TIMELESS: variants seen among roughly 807,000 people sequenced by gnomAD.
The protein encoded by TIMELESS is protein timeless homolog.
In TIMELESS, 124 loss-of-function variants were observed where a neutral mutation model predicts 164.3. The observed-to-expected ratio is 0.75, with a 90% confidence interval of 0.65 to 0.88. The LOEUF (loss-of-function observed/expected upper bound fraction) is 0.88, where lower values mean the gene tolerates loss of function less well. Among genes scored for constraint, TIMELESS ranks in the 40% least tolerant of loss-of-function variants. TIMELESS has a pLI of 0.00. For synonymous variants in TIMELESS, 564 were observed against 563.4 expected, an observed-to-expected ratio of 1.00 and a Z score of -0.02; for missense variants, 1,422 against 1,491.4, an observed-to-expected ratio of 0.95 and a Z score of 0.77.
chr12:56,432,953 CAAA>C (rs67816652), intron 6 of TIMELESS, 70 bp downstream of exon 6: 3,381 of 534,604 alleles, frequency 6.3e-3, no homozygotes, highest in Middle Eastern at 0.01. Flanking sequence ...GACTCCGTCT[CAAA>C]AAAAAAAAAA....
In TIMELESS at chr12:56,433,644, A is replaced by C; in HGVS notation, c.260T>G (p.Val87Gly). 1 of 1,614,144 alleles carries C rather than the reference A, an allele frequency of 6.2e-7. No individual in the cohort carries two copies. The highest frequency in any genetic ancestry group is 8.5e-7 in the Non-Finnish European group (1 of 1,180,048). Residue 87 changes from valine to glycine, a missense_variant, in exon 4 of 29, where the codon GTG (valine) becomes GGG (glycine). Transcript: ENST00000553532. ...GAGCAAGGCTGGTTGTGTCAAGTTC[A>C]CCATCAGTCTGGGAGACAATGAAGG... ...PLFDAVIRLM[V>G]NLTQPALLCF... is the part of the protein sequence containing the mutation.
intron 13 of TIMELESS, among the ~76,000 whole-genome samples, chr12:56,425,696 G>A (rs925389072): frequency 5.3e-5 from 8 of 152,006 alleles, no homozygotes; most frequent in Admixed American, 2.6e-4. Flanking sequence ...GCAACACAGC[G>A]AGACCCTGTG....
chr12:56,439,680 G>T (rs1170453474), intron 1 of TIMELESS, among the ~76,000 whole-genome samples: 1 of 152,050 alleles, frequency 6.6e-6, no homozygotes, highest in Admixed American at 6.6e-5. Context: ...TTACAGGTGT[G>T]AACCACCACA....
chr12:56,444,849 C>T (rs777479888), intron 1 of TIMELESS, among the ~76,000 whole-genome samples: 12 of 151,834 alleles, frequency 7.9e-5, no homozygotes, highest in African/African-American at 1.5e-4. Context: ...TCTCACTGTA[C>T]GCGGCCTGAT....
rs1407534076 is a variant in TIMELESS at position 56,423,782 on chromosome 12, A to G, written c.1966+15T>C. On this transcript the variant is annotated intron_variant, in intron 16 of 28. Coordinates refer to ENST00000553532, the MANE Select transcript of TIMELESS (RefSeq NM_003920.5). ...AAGAGCTGGAAGGAGACAGATGTGA[A>G]GGGTGGAGACTCACGGGGAAGTGGA... The G allele has an allele frequency of 5.0e-6, 8 of 1,614,060 alleles. No homozygotes were observed. Among genetic ancestry groups the G allele is most frequent in the Non-Finnish European group, 6.8e-6 (8 of 1,180,036 alleles).
Position 56,416,719 on chromosome 12 carries a change from G to GTCTTTTTTTTTTT in TIMELESS, c.*984_*996dup, listed in dbSNP as rs1483474132. 6.6e-6 allele frequency: 1 copy of GTCTTTTTTTTTTT among 151,584 alleles called. No individual in the cohort carries two copies. The highest frequency in any genetic ancestry group is 2.4e-5 in the African/African-American group (1 of 41,128). 9.4% of individuals were successfully genotyped at this position (151,584 alleles called of 1,614,324 possible). On this transcript the variant is annotated 3_prime_UTR_variant, in exon 29 of 29. Transcript: ENST00000553532. Reference sequence around the variant, plus strand: ...AGCGGAAGAAAAGGGAAGGTTGTTGGTCTTTTTTTTTTTTCTTTTTTTTTG... The same window carrying GTCTTTTTTTTTTT: ...AGCGGAAGAAAAGGGAAGGTTGTTGGTCTTTTTTTTTTTTCTTTTTTTTTTTTCTTTTTTTTTG...
chr12:56,433,277 C>T (rs1881955575), intron 5 of TIMELESS, 104 bp downstream of exon 5: 1 of 1,431,706 alleles, frequency 7.0e-7, no homozygotes, highest in African/African-American at 1.4e-5. Context: ...GATCGGACTA[C>T]CACATCCCCA....
chr12:56,431,277 C>T (rs867578635), intron 8 of TIMELESS, among the ~76,000 whole-genome samples, 194 bp downstream of exon 8: 7 of 151,674 alleles, frequency 4.6e-5, no homozygotes, highest in Middle Eastern at 3.4e-3. Flanking sequence ...TCGCTTGAAC[C>T]CAGGAGACAG....
At position 56,423,436 on chromosome 12, in the gene TIMELESS, T is replaced by G. The variant is rs1271192708; in HGVS notation, c.2130A>C (p.Leu710=). The G allele has an allele frequency of 5.0e-6, 8 of 1,613,960 alleles. No individual in the cohort carries two copies. The Admixed American group carries it at 1.3e-4, about 27-fold the overall frequency. Residue 710 remains leucine (L), a synonymous_variant, in exon 18 of 29, where the codon CTA becomes CTC. Coordinates refer to ENST00000553532, the MANE Select transcript of TIMELESS (RefSeq NM_003920.5). The part of the protein sequence containing the change: ...CSTVVRAYVL[L]LRSYQQNSAH... The stretch of plus-strand genomic sequence containing the variant: ...CACTATTCTGCTGGTAGCTCCTTAG[T>G]AGCAGCACATAGGCTCGAACGACAG...
intron 6 of TIMELESS, 53 bp downstream of exon 6, chr12:56,432,973 A>AAAAG: frequency 6.5e-6 from 8 of 1,227,938 alleles, no homozygotes; most frequent in Admixed American, 2.4e-5. Flanking sequence ...AAAAAAAAAA[A>AAAAG]AGGCAGCTCA....
At position 56,421,726 on chromosome 12, in the gene TIMELESS, C is replaced by A. The variant is rs1195635055; in HGVS notation, c.2725+1G>T. 2.5e-6 allele frequency: 4 copies of A among 1,613,970 alleles called. No homozygotes were observed. Among genetic ancestry groups the A allele is most frequent in the African/African-American group, 1.3e-5 (1 of 74,918 alleles). On this transcript the variant is annotated splice_donor_variant, in intron 22 of 28. Coordinates refer to ENST00000553532, the MANE Select transcript of TIMELESS (RefSeq NM_003920.5). LOFTEE classifies it high-confidence loss of function. ...GTCCCCTGAGTTTCCAGCTTACTCACCATCTGAGTCCCGGAATTCCTCAAA... is the reference window on the plus strand; with the variant it reads ...GTCCCCTGAGTTTCCAGCTTACTCAACATCTGAGTCCCGGAATTCCTCAAA...
intron 1 of TIMELESS, among the ~76,000 whole-genome samples, chr12:56,444,357 A>C (rs1868320069): frequency 6.6e-6 from 1 of 152,078 alleles, no homozygotes; most frequent in Non-Finnish European, 1.5e-5. Context: ...ATCAGACATG[A>C]ACTCTCTCAA....
chr12:56,418,092 G>T (rs1565677430), intron 27 of TIMELESS, 42 bp downstream of exon 27: 4 of 1,612,484 alleles, frequency 2.5e-6, no homozygotes, highest in Middle Eastern at 3.3e-4. Context: ...GACCAACATG[G>T]CTGACACGTT....
intron 1 of TIMELESS, among the ~76,000 whole-genome samples, chr12:56,443,582 CT>C (rs1189944933): frequency 1.3e-5 from 2 of 152,134 alleles, no homozygotes; most frequent in Non-Finnish European, 1.5e-5. Context: ...TTTTATTGCC[CT>C]TTGAAGCATG....
chr12:56,422,948 T>C lies in TIMELESS; in HGVS notation c.2337A>G (p.Ala779=). 1 of 1,613,968 alleles carries C rather than the reference T, an allele frequency of 6.2e-7. No individual in the cohort carries two copies. The highest frequency in any genetic ancestry group is 8.5e-7 in the Non-Finnish European group (1 of 1,180,008). ...AGGCTTTTTGGTTGACTGCAGCCAGTGCAAAAAATTTGCCCAGGATGTATT... is the reference window on the plus strand; with the variant it reads ...AGGCTTTTTGGTTGACTGCAGCCAGCGCAAAAAATTTGCCCAGGATGTATT... The part of the protein sequence containing the change: ...FAKYILGKFF[A]LAAVNQKAFV... Residue 779 remains alanine (A), a synonymous_variant, in exon 19 of 29, where the codon GCA becomes GCG. Transcript: ENST00000553532.
At chr12:56,432,931 G>A (rs796483) in intron 6 of TIMELESS, 95 bp downstream of exon 6, 17,936 of 893,390 alleles carry the variant, frequency 0.02, 299 homozygotes, top group Admixed American at 0.027. Context: ...CTCCAGCCTG[G>A]CGACAGAGAG....
chr12:56,431,377 A>C, intron 8 of TIMELESS, 94 bp downstream of exon 8: 1 of 1,393,032 alleles, frequency 7.2e-7, no homozygotes, highest in Non-Finnish European at 9.6e-7. Context: ...AAAAAACACT[A>C]AAATGTTGTT....
rs1881998723 is a variant in TIMELESS at position 56,434,241 on chromosome 12, T to C, written c.-61-10A>G. Reference sequence around the variant, plus strand: ...ACAGAAATGATGAGGCCTGGAGAAATAGAGAAAGATAAAAAATGTAAGTTC... The same window carrying C: ...ACAGAAATGATGAGGCCTGGAGAAACAGAGAAAGATAAAAAATGTAAGTTC... On this transcript the variant is annotated splice_polypyrimidine_tract_variant and intron_variant, in intron 1 of 28. Transcript: ENST00000553532. 7.2e-6 allele frequency: 9 copies of C among 1,250,074 alleles called. No homozygotes were observed. The highest frequency in any genetic ancestry group is 1.9e-4 in the Middle Eastern group (1 of 5,358). 77.4% of individuals were successfully genotyped at this position (1,250,074 alleles called of 1,614,324 possible).
chr12:56,433,759 G>A lies in TIMELESS; in HGVS notation c.251+14C>T. 1 of 1,614,038 alleles carries A rather than the reference G, an allele frequency of 6.2e-7. No individual in the cohort carries two copies. Among genetic ancestry groups the A allele is most frequent in the African/African-American group, 1.3e-5 (1 of 75,046 alleles). The stretch of plus-strand genomic sequence containing the variant: ...CCTGGCAGGTGGCAAAAGTTTAAAA[G>A]CTAGGGAGGCAACCTGATAACAGCA... On this transcript the variant is annotated intron_variant, in intron 3 of 28. Coordinates refer to ENST00000553532, the MANE Select transcript of TIMELESS (RefSeq NM_003920.5).
Sources: allele counts gnomAD v4.1 joint callset (sites outside exome capture counted in the v4.1 genomes callset), GRCh38; gene constraint gnomAD v4.1.1; transcripts MANE v1.5; gene names NCBI Gene and HGNC (gene_info 2026-07-23, HGNC 2026-07-21).